The following UNC5D variants were observed in gnomAD, a reference collection of about 807,000 sequenced individuals.
UNC5D encodes netrin receptor UNC5D.
In UNC5D, 39 loss-of-function variants were observed where a neutral mutation model predicts 105.4. That is an observed-to-expected ratio of 0.37 (90% CI 0.29 to 0.48). The LOEUF (loss-of-function observed/expected upper bound fraction) is 0.48. UNC5D is among the 20% of genes least tolerant of loss of function. The pLI is 0.98. For synonymous variants in UNC5D, 452 were observed against 450.4 expected (o/e 1.00, Z -0.04); for missense variants, 991 against 1,202.4 (o/e 0.82, Z 2.60).
chr8:35,551,815 T>TA (rs202035262), intron 2 of UNC5D, among the ~76,000 whole-genome samples: 18,840 of 139,396 alleles, frequency 0.14, 1,473 homozygotes, highest in East Asian at 0.27. Context: ...AGACTCCGTC[T>TA]AAAAAAAAAA....
intron 4 of UNC5D, among the ~76,000 whole-genome samples, chr8:35,600,209 A>G (rs1819772126): frequency 6.6e-6 from 1 of 152,126 alleles, no homozygotes; most frequent in South Asian, 2.1e-4. Context: ...TCATTGTTGG[A>G]CATTTGGGTT....
At position 35,549,480 on chromosome 8, in the gene UNC5D, G is replaced by C; in HGVS notation, c.292G>C (p.Val98Leu). The C allele has an allele frequency of 6.2e-7, 1 of 1,612,186 alleles. No homozygotes were observed. Among genetic ancestry groups the C allele is most frequent in the Non-Finnish European group, 8.5e-7 (1 of 1,179,890 alleles). The change falls in exon 2 of 17, where the codon GTC becomes CTC. Residue 98 changes from valine to leucine, a missense_variant. By Grantham distance (32) the Val-to-Leu change is conservative (BLOSUM62 1). Around this residue, in one of 3 missense-constraint regions of UNC5D, gnomAD observed 944 missense variants for 1,131.6 expected, o/e 0.83. Coordinates refer to ENST00000404895, the MANE Select transcript of UNC5D (RefSeq NM_080872.4). ...NGEWVHQNEH[V>L]SEETLDESSG... Reference sequence around the variant, plus strand: ...CGAGTGGGTCCATCAGAACGAGCACGTCTCTGAAGAGACTCTGGACGAGAG... The same window carrying C: ...CGAGTGGGTCCATCAGAACGAGCACCTCTCTGAAGAGACTCTGGACGAGAG...
In UNC5D at chr8:35,792,936, A is replaced by G; in HGVS notation, c.*2373A>G. Reference sequence around the variant, plus strand: ...TTTAAGATGAGACAAGATTATTGTCAATCCCTGAATGTCTGGAGTTACCTC... The same window carrying G: ...TTTAAGATGAGACAAGATTATTGTCGATCCCTGAATGTCTGGAGTTACCTC... On this transcript the variant is annotated 3_prime_UTR_variant, in exon 17 of 17. Coordinates refer to ENST00000404895, the MANE Select transcript of UNC5D (RefSeq NM_080872.4). The G allele has an allele frequency of 2.3e-6, 1 of 435,548 alleles. No homozygotes were observed. 27.0% of individuals were successfully genotyped at this position (435,548 alleles called of 1,614,324 possible).
chr8:35,305,384 G>A (rs775325690), intron 1 of UNC5D, among the ~76,000 whole-genome samples: 1 of 151,878 alleles, frequency 6.6e-6, no homozygotes. Flanking sequence ...AATAGATGGG[G>A]TTCAAAAAAC....
chr8:35,305,629 T>TTTTCTTTC (rs1808328353), intron 1 of UNC5D, among the ~76,000 whole-genome samples: 1 of 129,432 alleles, frequency 7.7e-6, no homozygotes, highest in African/African-American at 3.0e-5. Flanking sequence ...TTCTTTTTCT[T>TTTTCTTTC]TCTCTCTCTC....
At chr8:35,593,185 C>T (rs1235391335) in intron 3 of UNC5D, among the ~76,000 whole-genome samples, 1 of 152,100 alleles carries the variant, frequency 6.6e-6, no homozygotes. Context: ...AATGACATTT[C>T]TCCAGTTGTC....
intron 1 of UNC5D, among the ~76,000 whole-genome samples, chr8:35,487,708 T>A (rs1024752598): frequency 6.6e-6 from 1 of 152,052 alleles, no homozygotes; most frequent in African/African-American, 2.4e-5. Flanking sequence ...GCTTTGGAAC[T>A]GAGTGAGGGA....
intron 7 of UNC5D, 44 bp downstream of exon 7, chr8:35,686,753 C>T: frequency 6.6e-7 from 1 of 1,505,874 alleles, no homozygotes; most frequent in Non-Finnish European, 8.8e-7. Context: ...TTCATAATAC[C>T]ATTTATGCAT....
intron 15 of UNC5D, among the ~76,000 whole-genome samples, chr8:35,767,709 A>G (rs1801835396): frequency 6.6e-6 from 1 of 152,250 alleles, no homozygotes; most frequent in Admixed American, 6.5e-5. Context: ...GACTTTGTCC[A>G]GGTCAAATCA....
intron 1 of UNC5D, among the ~76,000 whole-genome samples, chr8:35,450,899 C>T (rs1017787976): frequency 6.6e-6 from 1 of 152,098 alleles, no homozygotes; most frequent in African/African-American, 2.4e-5. Flanking sequence ...AGTAAGTGCT[C>T]TGAGCACCTT....
intron 11 of UNC5D, among the ~76,000 whole-genome samples, chr8:35,737,332 C>G (rs1217536915): frequency 2.0e-5 from 3 of 148,360 alleles, no homozygotes; most frequent in Non-Finnish European, 4.4e-5. Context: ...GAAGATAATT[C>G]CCAGAATTCT....
At chr8:35,630,535 C>T (rs1397169505) in intron 4 of UNC5D, among the ~76,000 whole-genome samples, 1 of 152,130 alleles carries the variant, frequency 6.6e-6, no homozygotes, top group Admixed American at 6.6e-5. Context: ...GATTTCAAGC[C>T]AAGAATATTG....
chr8:35,317,008 T>C (rs1016749942), intron 1 of UNC5D, among the ~76,000 whole-genome samples: 2 of 152,214 alleles, frequency 1.3e-5, no homozygotes, highest in Non-Finnish European at 2.9e-5. Context: ...CAACTTAAAA[T>C]GAGTGAATGC....
intron 4 of UNC5D, among the ~76,000 whole-genome samples, chr8:35,621,258 G>A (rs1021540476): frequency 2.6e-5 from 4 of 152,126 alleles, no homozygotes; most frequent in African/African-American, 7.2e-5. Flanking sequence ...ATTGAGTCCA[G>A]CATCAACAGA....
At chr8:35,565,881 T>G (rs1218377892) in intron 2 of UNC5D, among the ~76,000 whole-genome samples, 1 of 152,210 alleles carries the variant, frequency 6.6e-6, no homozygotes. Flanking sequence ...AAAACCTTCC[T>G]TTATTTCCAC....
At chr8:35,508,528 A>C (rs1160111952) in intron 1 of UNC5D, among the ~76,000 whole-genome samples, 1 of 152,186 alleles carries the variant, frequency 6.6e-6, no homozygotes, top group African/African-American at 2.4e-5. Context: ...CATAATTGCT[A>C]AATGGGCAAG....
At chr8:35,509,105 C>G (rs1046493486) in intron 1 of UNC5D, among the ~76,000 whole-genome samples, 3 of 152,002 alleles carry the variant, frequency 2.0e-5, no homozygotes, top group East Asian at 3.9e-4. Flanking sequence ...ATTGTGTGCC[C>G]GGGGGGCCAA....
intron 4 of UNC5D, among the ~76,000 whole-genome samples, chr8:35,629,664 A>G (rs1821918733): frequency 6.6e-6 from 1 of 152,214 alleles, no homozygotes. Flanking sequence ...CCACGTAACA[A>G]TCATGTACAT....
intron 1 of UNC5D, among the ~76,000 whole-genome samples, chr8:35,448,768 C>T (rs1209253697): frequency 3.3e-5 from 5 of 152,252 alleles, no homozygotes; most frequent in African/African-American, 9.6e-5. Context: ...CTCTCCCACC[C>T]TTTCACCCTT....
Sources: allele counts gnomAD v4.1 joint callset (sites outside exome capture counted in the v4.1 genomes callset), GRCh38; gene constraint gnomAD v4.1.1; regional missense constraint gnomAD v4.1.1; transcripts MANE v1.5; gene names NCBI Gene and HGNC (gene_info 2026-07-23, HGNC 2026-07-21).